Variants in CDC25C observed in about 807,000 individuals in gnomAD.
CDC25C encodes cell division cycle 25C.
A neutral mutation model predicts 52.5 loss-of-function variants in CDC25C; 48 were observed. The ratio of observed to expected loss-of-function variants is 0.91; its 90% confidence interval spans 0.72 to 1.16. CDC25C has a LOEUF of 1.16. Among genes scored for constraint, CDC25C ranks in the 50% most tolerant of loss-of-function variants. The probability of loss-of-function intolerance (pLI) is 0.00; values close to 1 mark genes in which losing one functional copy is unlikely to be tolerated. For synonymous variants in CDC25C, 187 were observed against 206.5 expected (o/e 0.91, Z 0.81); for missense variants, 510 against 566.1 (o/e 0.90, Z 1.01).
chr5:138,313,963 T>TTTTCTTTTTCTTTC (rs1554117941), intron 7 of CDC25C, among the ~76,000 whole-genome samples: 1 of 106,378 alleles, frequency 9.4e-6, no homozygotes, highest in Non-Finnish European at 1.8e-5. Context: ...CTATGTCCCT[T>TTTTCTTTTTCTTTC]TTTCTTTCTT....
At chr5:138,329,531 C>A (rs778171925) in intron 3 of CDC25C, 22 bp downstream of exon 3, 19 of 1,417,218 alleles carry the variant, frequency 1.3e-5, no homozygotes, top group Non-Finnish European at 1.8e-5. Flanking sequence ...CCCTTTGAGG[C>A]CTTTATCTCC....
At chr5:138,294,946 G>C (rs898138937) in intron 7 of CDC25C, among the ~76,000 whole-genome samples, 1 of 152,194 alleles carries the variant, frequency 6.6e-6, no homozygotes, top group Non-Finnish European at 1.5e-5. Context: ...ACTGTGCCAG[G>C]CCTTTCTTCA....
intron 7 of CDC25C, among the ~76,000 whole-genome samples, chr5:138,309,579 G>T (rs1758288772): frequency 6.6e-6 from 1 of 151,970 alleles, no homozygotes; most frequent in African/African-American, 2.4e-5. Context: ...GCGATGGGGG[G>T]AGGTGAGGGG....
chr5:138,290,573 G>T, intron 9 of CDC25C, 66 bp downstream of exon 9: 1 of 911,266 alleles, frequency 1.1e-6, no homozygotes, highest in Non-Finnish European at 1.8e-6. Context: ...GGCATTCTCG[G>T]CAAACAGAGA....
At chr5:138,317,533 T>C (rs919937744) in intron 7 of CDC25C, among the ~76,000 whole-genome samples, 5 of 151,372 alleles carry the variant, frequency 3.3e-5, no homozygotes, top group African/African-American at 1.2e-4. Flanking sequence ...TACAAAAAAT[T>C]AGCCAGGTAT....
intron 7 of CDC25C, among the ~76,000 whole-genome samples, chr5:138,308,313 C>T (rs542803371): frequency 1.3e-5 from 2 of 152,292 alleles, no homozygotes; most frequent in South Asian, 4.1e-4. Flanking sequence ...ATTATGTTCA[C>T]TGTACTGTAC....
chr5:138,311,304 A>G (rs936608011), intron 7 of CDC25C, among the ~76,000 whole-genome samples: 1 of 152,196 alleles, frequency 6.6e-6, no homozygotes, highest in African/African-American at 2.4e-5. Flanking sequence ...TTTAAAGAAA[A>G]CATAGGGAGC....
chr5:138,293,043 C>T (rs749667611), intron 7 of CDC25C, among the ~76,000 whole-genome samples: 3 of 152,112 alleles, frequency 2.0e-5, no homozygotes, highest in Admixed American at 6.6e-5. Context: ...TCTGGAAGAA[C>T]GAAATAAGAA....
rs1760351382 is a variant in CDC25C at position 138,331,174 on chromosome 5, T to G, written c.7A>C (p.Thr3Pro). ...TCTCTTGTGGATGAGAAGAGTTCCG[T>G]AGACATGGTCTTCGAATTCTCACCA... MS[T>P]ELFSSTREEG... Residue 3 changes from threonine to proline, a missense_variant, in exon 2 of 14, where the codon ACG (threonine) becomes CCG (proline). Thr to Pro is a conservative substitution (Grantham distance 38). Transcript: ENST00000323760. The G allele has an allele frequency of 1.2e-6, 2 of 1,614,068 alleles. No individual in the cohort carries two copies. The highest frequency in any genetic ancestry group is 3.3e-4 in the Middle Eastern group (2 of 6,058).
chr5:138,313,440 A>G (rs1016693916), intron 7 of CDC25C, among the ~76,000 whole-genome samples: 6 of 151,708 alleles, frequency 4.0e-5, no homozygotes, highest in African/African-American at 1.5e-4. Flanking sequence ...AAAATCCTAG[A>G]GATGGGTAAG....
chr5:138,324,596 A>G (rs1759706659), intron 6 of CDC25C, among the ~76,000 whole-genome samples: 1 of 152,014 alleles, frequency 6.6e-6, no homozygotes, highest in Admixed American at 6.6e-5. Flanking sequence ...TGTCTCTACT[A>G]AAAATACAAA....
chr5:138,291,493 A>C (rs1010593503), intron 8 of CDC25C, among the ~76,000 whole-genome samples: 6 of 147,138 alleles, frequency 4.1e-5, no homozygotes, highest in Non-Finnish European at 8.9e-5. Flanking sequence ...ATCTTGGCTC[A>C]CTGCAACCTC....
At chr5:138,333,977 G>A (rs933511456), upstream of CDC25C, among the ~76,000 whole-genome samples, 40 of 151,416 alleles carry the variant, frequency 2.6e-4, no homozygotes, top group African/African-American at 8.3e-4. Flanking sequence ...GCTCTCTCCC[G>A]GGCTAGAGTA....
At chr5:138,319,837 T>C (rs183882892) in intron 6 of CDC25C, among the ~76,000 whole-genome samples, 71 of 152,304 alleles carry the variant, frequency 4.7e-4, no homozygotes, top group African/African-American at 1.7e-3. Flanking sequence ...GAGATACTTC[T>C]TTATACCCAT....
In CDC25C at chr5:138,286,017, TTTACCATA is replaced by T. The variant is rs1756186042; in HGVS notation, c.1269_1272+4del. 1.2e-6 allele frequency: 2 copies of T among 1,608,028 alleles called. No individual in the cohort carries two copies. The highest frequency in any genetic ancestry group is 2.7e-5 in the African/African-American group (2 of 74,778). On this transcript the variant is annotated splice_donor_variant and splice_donor_region_variant and coding_sequence_variant and intron_variant, in exon 13 of 14. Coordinates refer to ENST00000323760, the MANE Select transcript of CDC25C (RefSeq NM_001790.5). LOFTEE classifies it high-confidence loss of function. ...GTTTGGCTCCCCGCATGCCCCACCC[TTTACCATA>T]TATTCTGGAAAGAAGTCTCTGTAGC...
At chr5:138,336,843 T>C (rs1056451111), upstream of CDC25C, 1 of 152,216 alleles carries the variant, frequency 6.6e-6, no homozygotes, top group Admixed American at 6.5e-5. Flanking sequence ...CAGTTAGTAC[T>C]GTACCTCATT....
chr5:138,322,744 G>T (rs1038670047), intron 6 of CDC25C, among the ~76,000 whole-genome samples: 28 of 143,830 alleles, frequency 1.9e-4, no homozygotes, highest in African/African-American at 6.3e-4. Flanking sequence ...CAAAGTGCTG[G>T]AATTACAGGC....
chr5:138,302,884 A>T (rs1036075080), intron 7 of CDC25C, among the ~76,000 whole-genome samples: 21 of 150,908 alleles, frequency 1.4e-4, no homozygotes, highest in Non-Finnish European at 3.1e-4. Flanking sequence ...AAATGGTGAG[A>T]TCCCCATCTC....
intron 7 of CDC25C, among the ~76,000 whole-genome samples, chr5:138,308,815 A>C (rs184772277): frequency 9.0e-4 from 137 of 152,270 alleles, no homozygotes; most frequent in African/African-American, 3.1e-3. Context: ...AATTGCTAAA[A>C]ACAGGCTCTG....
Sources: allele counts gnomAD v4.1 joint callset (sites outside exome capture counted in the v4.1 genomes callset), GRCh38; gene constraint gnomAD v4.1.1; transcripts MANE v1.5; gene names NCBI Gene and HGNC (gene_info 2026-07-23, HGNC 2026-07-21).